The following MACROD2 variants were observed in gnomAD, a reference collection of about 807,000 sequenced individuals.
The protein encoded by MACROD2 is ADP-ribose glycohydrolase MACROD2.
A neutral mutation model predicts 70.4 loss-of-function variants in MACROD2; 36 were observed. That is an observed-to-expected ratio of 0.51 (90% CI 0.39 to 0.68). The LOEUF (loss-of-function observed/expected upper bound fraction) is 0.68, where lower values mean the gene tolerates loss of function less well. Ranked by LOEUF, MACROD2 falls within the 30% of genes least tolerant of loss-of-function variation. The pLI, the probability that MACROD2 is intolerant of heterozygous loss-of-function variation, is 0.00. For missense variants in MACROD2, 496 were observed against 538.4 expected (o/e 0.92, Z 0.78); for synonymous variants, 172 against 178.8 (o/e 0.96, Z 0.30).
chr20:14,509,877 A>C (rs992297172), intron 4 of MACROD2, among the ~76,000 whole-genome samples: 2 of 152,012 alleles, frequency 1.3e-5, no homozygotes, highest in Non-Finnish European at 2.9e-5. Flanking sequence ...ATGTATTTAT[A>C]CATATTTTAG....
intron 10 of MACROD2, among the ~76,000 whole-genome samples, chr20:15,918,767 C>G (rs537084614): frequency 6.6e-6 from 1 of 152,298 alleles, no homozygotes; most frequent in Non-Finnish European, 1.5e-5. Context: ...GTAGTGTGCT[C>G]TATCATCCCT....
chr20:14,917,679 A>G (rs1198203970), intron 5 of MACROD2, among the ~76,000 whole-genome samples: 1 of 152,174 alleles, frequency 6.6e-6, no homozygotes, highest in East Asian at 1.9e-4. Context: ...CTCATCATGG[A>G]GGAGAACCAG....
intron 11 of MACROD2, among the ~76,000 whole-genome samples, chr20:15,936,488 C>T (rs1327779109): frequency 6.8e-6 from 1 of 147,240 alleles, no homozygotes; most frequent in Admixed American, 6.8e-5. Flanking sequence ...TATATTTATA[C>T]ATATGAACTA....
intron 8 of MACROD2, among the ~76,000 whole-genome samples, chr20:15,706,039 G>T (rs566706892): frequency 1.3e-5 from 2 of 152,204 alleles, no homozygotes; most frequent in African/African-American, 4.8e-5. Context: ...AGTCAGTCTT[G>T]GTCCTAAATA....
At chr20:14,750,228 A>G (rs1805204866) in intron 5 of MACROD2, among the ~76,000 whole-genome samples, 1 of 152,162 alleles carries the variant, frequency 6.6e-6, no homozygotes, top group Non-Finnish European at 1.5e-5. Context: ...ATTTTATCAT[A>G]TAAACTCATT....
chr20:15,111,586 A>T lies in MACROD2; in HGVS notation c.419-118354A>T, dbSNP rs1356724777. 2.0e-5 allele frequency among the ~76,000 whole-genome samples: 3 copies of T among 152,162 alleles called. No homozygotes were observed. In the East Asian group the frequency reaches 5.8e-4, roughly 29 times the overall value. On this transcript the variant is annotated intron_variant, in intron 5 of 17. Coordinates refer to ENST00000684519, the MANE Select transcript of MACROD2 (RefSeq NM_001351661.2). ...CAGAGTTTGAATGCTGGAATATTAG[A>T]ATATTAGAATATTCTGGGTCTAGAA...
Position 15,582,451 on chromosome 20 carries a change from GA to G in MACROD2, c.645+82611del, listed in dbSNP as rs898541038. Among the ~76,000 whole-genome samples the G allele has an allele frequency of 4.6e-5, 7 of 151,972 alleles. No individual in the cohort carries two copies. The East Asian group carries it at 5.8e-4, about 13-fold the overall frequency. ...GGCATTTTCCTTGACCTCACAACTAGAAAAAAACATCAATTTGGTTGTATAT... is the reference window on the plus strand; with the variant it reads ...GGCATTTTCCTTGACCTCACAACTAGAAAAAACATCAATTTGGTTGTATAT... On this transcript the variant is annotated intron_variant, in intron 8 of 17. Transcript: ENST00000684519.
At chr20:15,569,972 A>T (rs1166287329) in intron 8 of MACROD2, among the ~76,000 whole-genome samples, 5 of 152,164 alleles carry the variant, frequency 3.3e-5, no homozygotes, top group Admixed American at 3.3e-4. Flanking sequence ...TCTCTTTGAC[A>T]TATTAATTTT....
At chr20:14,944,093 C>T (rs1300701431) in intron 5 of MACROD2, among the ~76,000 whole-genome samples, 1 of 152,116 alleles carries the variant, frequency 6.6e-6, no homozygotes, top group Non-Finnish European at 1.5e-5. Flanking sequence ...TTCCCCAAAA[C>T]ACTTTTGTGC....
chr20:14,327,014 G>A, intron 3 of MACROD2: 1 of 1,613,750 alleles, frequency 6.2e-7, no homozygotes, highest in Non-Finnish European at 8.5e-7. Context: ...GTGCTAAGGT[G>A]ATTACGGGAC....
intron 6 of MACROD2, among the ~76,000 whole-genome samples, chr20:15,388,375 A>G (rs893161077): frequency 1.3e-5 from 2 of 152,168 alleles, no homozygotes; most frequent in Non-Finnish European, 2.9e-5. Flanking sequence ...CTTAAATACA[A>G]TGAGTGCCTT....
At chr20:15,600,255 T>A (rs1164724044) in intron 8 of MACROD2, among the ~76,000 whole-genome samples, 1 of 151,994 alleles carries the variant, frequency 6.6e-6, no homozygotes, top group African/African-American at 2.4e-5. Context: ...TTCTCACTGG[T>A]TTCAGCACTC....
intron 16 of MACROD2, among the ~76,000 whole-genome samples, chr20:16,042,430 A>T (rs553105056): frequency 9.2e-5 from 14 of 152,064 alleles, no homozygotes; most frequent in Non-Finnish European, 1.5e-4. Flanking sequence ...AGAGAAGTAA[A>T]TGTGAAATAC....
At chr20:15,907,506 G>C (rs1297747341) in intron 10 of MACROD2, among the ~76,000 whole-genome samples, 1 of 152,214 alleles carries the variant, frequency 6.6e-6, no homozygotes, top group Admixed American at 6.5e-5. Flanking sequence ...AATTTTGCTT[G>C]TCCATTATAT....
intron 5 of MACROD2, among the ~76,000 whole-genome samples, chr20:15,095,168 C>G (rs1402019280): frequency 6.8e-6 from 1 of 147,446 alleles, no homozygotes; most frequent in Non-Finnish European, 1.5e-5. Flanking sequence ...GCTCCGCCTC[C>G]CAGGTTCACG....
chr20:14,509,508 G>A (rs1290674385), intron 4 of MACROD2, among the ~76,000 whole-genome samples: 1 of 151,988 alleles, frequency 6.6e-6, no homozygotes, highest in African/African-American at 2.4e-5. Context: ...CAATAATTGT[G>A]CTGTGTATGT....
At chr20:15,871,193 AT>A (rs202020517) in intron 9 of MACROD2, among the ~76,000 whole-genome samples, 2 of 151,040 alleles carry the variant, frequency 1.3e-5, no homozygotes, top group African/African-American at 4.9e-5. Context: ...AAAAAAAAAA[AT>A]TATAAAATTA....
At chr20:15,544,615 G>A (rs2048002990) in intron 8 of MACROD2, among the ~76,000 whole-genome samples, 2 of 152,194 alleles carry the variant, frequency 1.3e-5, no homozygotes, top group Non-Finnish European at 2.9e-5. Context: ...GTGCTGGAGG[G>A]TTTGATAAGC....
chr20:14,243,929 C>T (rs2081948871), intron 3 of MACROD2, among the ~76,000 whole-genome samples: 1 of 152,072 alleles, frequency 6.6e-6, no homozygotes, highest in Non-Finnish European at 1.5e-5. Context: ...CTAGACAGGG[C>T]CAGGGCAAAA....
Sources: allele counts gnomAD v4.1 joint callset (sites outside exome capture counted in the v4.1 genomes callset), GRCh38; gene constraint gnomAD v4.1.1; transcripts MANE v1.5; gene names NCBI Gene and HGNC (gene_info 2026-07-23, HGNC 2026-07-21).